The following DLL3 variants were observed in gnomAD, a reference collection of about 807,000 sequenced individuals.
DLL3 encodes the protein delta-like protein 3.
Under a neutral mutation model 55.0 loss-of-function variants are expected in DLL3, and 49 were observed. The observed-to-expected ratio is 0.89, with a 90% CI of 0.71 to 1.13. DLL3 has a LOEUF of 1.13. DLL3 is among the 50% of genes most tolerant of loss of function. The pLI is 0.00. For synonymous variants in DLL3, 421 were observed against 385.2 expected (o/e 1.09, Z -1.09); for missense variants, 962 against 875.5 (o/e 1.10, Z -1.25).
chr19:39,508,352 C>T lies in DLL3; in HGVS notation c.*95C>T. On this transcript the variant is annotated 3_prime_UTR_variant, in exon 9 of 9. Transcript: ENST00000356433. Reference sequence around the variant, plus strand: ...TGCCCCAGAGGCTTTGGAGTTCAATCTTGAAGGGGTGTCTGGGGGAACTTT... The same window carrying T: ...TGCCCCAGAGGCTTTGGAGTTCAATTTTGAAGGGGTGTCTGGGGGAACTTT... 7.1e-7 allele frequency: 1 copy of T among 1,415,336 alleles called. No individual in the cohort carries two copies. The highest frequency in any genetic ancestry group is 2.3e-5 in the East Asian group (1 of 43,938). 87.7% of individuals were successfully genotyped at this position (1,415,336 alleles called of 1,614,324 possible).
At chr19:39,499,854 CT>C (rs1323996801) in intron 2 of DLL3, among the ~76,000 whole-genome samples, 8,179 of 82,416 alleles carry the variant, frequency 0.099, 669 homozygotes, top group African/African-American at 0.23. Context: ...TCTTCTCTCT[CT>C]TTTTTTTTTT....
chr19:39,502,781 C>T (rs758654270), intron 3 of DLL3, 34 bp from the exon 4 acceptor site: 7 of 1,355,948 alleles, frequency 5.2e-6, no homozygotes, highest in Non-Finnish European at 4.7e-6. Flanking sequence ...CGGCCGGGCC[C>T]ACCCCAGCAC....
chr19:39,505,180 AT>A (rs577477375), intron 5 of DLL3, 48 bp from the exon 6 acceptor site: 14 of 1,595,794 alleles, frequency 8.8e-6, no homozygotes, highest in Non-Finnish European at 1.2e-5. Flanking sequence ...GGGGGATGGG[AT>A]TTTTCTCCAA....
chr19:39,506,207 G>T (rs2079639712), intron 6 of DLL3, among the ~76,000 whole-genome samples: 1 of 73,482 alleles, frequency 1.4e-5, no homozygotes, highest in Non-Finnish European at 2.3e-5. Flanking sequence ...GTGACACTCT[G>T]TCTCAAAAAA....
Position 39,508,298 on chromosome 19 carries a change from T to C in DLL3, c.*41T>C. On this transcript the variant is annotated 3_prime_UTR_variant, in exon 9 of 9. Coordinates refer to ENST00000356433, the MANE Select transcript of DLL3 (RefSeq NM_203486.3). ...CGCACCTGGAGTCAGAGCGTGGATT[T>C]TTGTATTTGCTCGGTGGTGCCCAGT... The C allele has an allele frequency of 6.2e-7, 1 of 1,612,650 alleles. No homozygotes were observed. The highest frequency in any genetic ancestry group is 8.5e-7 in the Non-Finnish European group (1 of 1,178,858).
Position 39,504,265 on chromosome 19 carries a change from T to C in DLL3, c.847T>C (p.Cys283Arg). The change falls in exon 5 of 9, where the codon TGT becomes CGT. Residue 283 changes from cysteine (C) to arginine (R), a missense_variant. Cys to Arg is a radical substitution (Grantham distance 180, BLOSUM62 -3). Transcript: ENST00000356433. ...GCCTGGGCCCTGTGACGGGAACCCG[T>C]GTGCCAATGGAGGCAGCTGTAGTGT... ...PGPGPCDGNP[C>R]ANGGSCSETP... is the part of the protein sequence containing the mutation. The C allele has an allele frequency of 6.2e-7, 1 of 1,612,958 alleles. No homozygotes were observed. The highest frequency in any genetic ancestry group is 1.1e-5 in the South Asian group (1 of 91,090).
chr19:39,501,478 A>ATT (rs36120417), intron 3 of DLL3, among the ~76,000 whole-genome samples: 1 of 150,522 alleles, frequency 6.6e-6, no homozygotes, highest in African/African-American at 2.4e-5. Context: ...TTTTGTCACC[A>ATT]TTTTTTTTCT....
At chr19:39,500,701 G>C (rs1256812972) in intron 3 of DLL3, 29 bp downstream of exon 3, 1 of 1,603,874 alleles carries the variant, frequency 6.2e-7, no homozygotes, top group Non-Finnish European at 8.5e-7. Context: ...GGGACTGGTG[G>C]GGAGCTGGGG....
In DLL3 at chr19:39,507,342, T is replaced by A. The variant is rs1334230240; in HGVS notation, c.1397T>A (p.Phe466Tyr). Residue 466 changes from phenylalanine (F) to tyrosine (Y), a missense_variant, in exon 7 of 9, where the codon TTC (phenylalanine) becomes TAC (tyrosine). Transcript: ENST00000356433. ...GGCTACATGGGAGCGCGGTGTGAGT[T>A]CCCAGTGCACCCCGACGGCGCAAGC... ...APGYMGARCE[F>Y]PVHPDGASAL... 1 of 1,571,612 alleles carries A rather than the reference T, an allele frequency of 6.4e-7. No individual in the cohort carries two copies. Among genetic ancestry groups the A allele is most frequent in the East Asian group, 2.3e-5 (1 of 43,172 alleles).
rs373673891 is a variant in DLL3, at chr19:39,505,460, T to C, written c.1093+9T>C. On this transcript the variant is annotated intron_variant, in intron 6 of 8. Transcript: ENST00000356433. ...GCAGCCATGCCGCAATGGTGAGGCC[T>C]GGAGGCCTGAACGGCGAGGGATGGG... is the stretch of plus-strand genomic sequence containing the variant. 45 of 1,613,540 alleles carry C rather than the reference T, an allele frequency of 2.8e-5. No homozygotes were observed. The highest frequency in any genetic ancestry group is 3.5e-5 in the Non-Finnish European group (41 of 1,179,754).
intron 5 of DLL3, among the ~76,000 whole-genome samples, chr19:39,504,978 G>A (rs2079631528): frequency 6.6e-6 from 1 of 152,084 alleles, no homozygotes. Flanking sequence ...GGCAGCATTT[G>A]GTAGGCAAAG....
rs1366072739 is a variant in DLL3, at chr19:39,499,263, G to A, written c.141G>A (p.Arg47=). The stretch of plus-strand genomic sequence containing the variant: ...CGGGTCCAGGCCCTGGGGCCCCGCG[G>A]TCCCCCTGCAGCGCCCGGCTCCCCT... The part of the protein sequence containing the change: ...FGPGPGPGAP[R]SPCSARLPCR... Residue 47 remains arginine (R), a synonymous_variant, in exon 2 of 9, where the codon CGG becomes CGA. Coordinates refer to ENST00000356433, the MANE Select transcript of DLL3 (RefSeq NM_203486.3). The A allele has an allele frequency of 2.6e-6, 4 of 1,543,186 alleles. No homozygotes were observed. The Admixed American group carries it at 7.8e-5, about 30-fold the overall frequency.
intron 3 of DLL3, among the ~76,000 whole-genome samples, chr19:39,502,240 G>A (rs1286260171): frequency 6.6e-6 from 1 of 150,956 alleles, no homozygotes; most frequent in African/African-American, 2.4e-5. Flanking sequence ...GGAGTATTAC[G>A]GTTTCTATGA....
chr19:39,507,216 G>C lies in DLL3; in HGVS notation c.1271G>C (p.Arg424Pro). The change falls in exon 7 of 9, where the codon CGC (arginine) becomes CCC (proline). Residue 424 changes from arginine (R) to proline (P), a missense_variant. Coordinates refer to ENST00000356433, the MANE Select transcript of DLL3 (RefSeq NM_203486.3). ...RCSCALGFGG[R>P]DCRERADPCA... ...TCCTGCGCGCTGGGCTTCGGCGGCC[G>C]CGACTGCCGCGAGCGCGCGGACCCG... 1 of 1,330,128 alleles carries C rather than the reference G, an allele frequency of 7.5e-7. No homozygotes were observed. The highest frequency in any genetic ancestry group is 2.1e-5 in the South Asian group (1 of 46,722). 82.4% of individuals were successfully genotyped at this position (1,330,128 alleles called of 1,614,324 possible). A position where few individuals can be genotyped will look rare whatever the true frequency, so the allele number is the denominator to read the frequency against.
chr19:39,507,335 T>G lies in DLL3; in HGVS notation c.1390T>G (p.Cys464Gly). The part of the protein sequence containing the change: ...ACAPGYMGAR[C>G]EFPVHPDGAS... Reference sequence around the variant, plus strand: ...CGCTCCCGGCTACATGGGAGCGCGGTGTGAGTTCCCAGTGCACCCCGACGG... The same window carrying G: ...CGCTCCCGGCTACATGGGAGCGCGGGGTGAGTTCCCAGTGCACCCCGACGG... Residue 464 changes from cysteine to glycine, a missense_variant, in exon 7 of 9, where the codon TGT becomes GGT. Cys to Gly is a radical substitution (Grantham distance 159, BLOSUM62 -3). Transcript: ENST00000356433. 6.4e-7 allele frequency: 1 copy of G among 1,569,782 alleles called. No homozygotes were observed. Among genetic ancestry groups the G allele is most frequent in the South Asian group, 1.1e-5 (1 of 87,218 alleles).
In DLL3 at chr19:39,502,876, G is replaced by T. The variant is rs935221144; in HGVS notation, c.471G>T (p.Pro157=). ...AGRRRLAAGG[P]WARDIQRAGA... ...GGCGGCGCTTGGCAGCCGGAGGCCC[G>T]TGGGCCCGGGACATTCAGCGCGCAG... Residue 157 remains proline, a synonymous_variant, in exon 4 of 9, where the codon CCG becomes CCT. Coordinates refer to ENST00000356433, the MANE Select transcript of DLL3 (RefSeq NM_203486.3). 5 of 1,421,336 alleles carry T rather than the reference G, an allele frequency of 3.5e-6. No individual in the cohort carries two copies. The highest frequency in any genetic ancestry group is 3.0e-5 in the African/African-American group (2 of 66,800). The allele number at this position is 1,421,336 out of a possible 1,614,324, so 88.0% of individuals were successfully genotyped here.
chr19:39,505,397 G>C lies in DLL3; in HGVS notation c.1039G>C (p.Gly347Arg). Residue 347 changes from glycine (G) to arginine (R), a missense_variant, in exon 6 of 9, where the codon GGC becomes CGC. By Grantham distance (125) the Gly-to-Arg change is moderately radical (BLOSUM62 -2). Transcript: ENST00000356433. ...CTGCCACTGCCCACCCGGTTTCCAAGGCTCCAACTGTGAGAAGAGGGTGGA... is the reference window on the plus strand; with the variant it reads ...CTGCCACTGCCCACCCGGTTTCCAACGCTCCAACTGTGAGAAGAGGGTGGA... ...YICHCPPGFQ[G>R]SNCEKRVDRC... 6.2e-7 allele frequency: 1 copy of C among 1,614,150 alleles called. No homozygotes were observed. Among genetic ancestry groups the C allele is most frequent in the Non-Finnish European group, 8.5e-7 (1 of 1,180,020 alleles).
In DLL3 at chr19:39,499,231, T is replaced by A; in HGVS notation, c.109T>A (p.Phe37Ile). Reference protein sequence around the residue: ...AGVFELQIHSFGPGPGPGAPR... With the variant: ...AGVFELQIHSIGPGPGPGAPR... ...CGTCTTCGAGCTGCAGATCCACTCT[T>A]TCGGGCCGGGTCCAGGCCCTGGGGC... Residue 37 changes from phenylalanine to isoleucine, a missense_variant, in exon 2 of 9, where the codon TTC (phenylalanine) becomes ATC (isoleucine). Coordinates refer to ENST00000356433, the MANE Select transcript of DLL3 (RefSeq NM_203486.3). 6.4e-7 allele frequency: 1 copy of A among 1,553,340 alleles called. No homozygotes were observed. The highest frequency in any genetic ancestry group is 2.4e-5 in the East Asian group (1 of 41,552).
rs765517369 is a variant in DLL3 at position 39,507,083 on chromosome 19, C to T, written c.1138C>T (p.Arg380Cys). 1.2e-5 allele frequency: 18 copies of T among 1,543,262 alleles called. No homozygotes were observed. Among genetic ancestry groups the T allele is most frequent in the Non-Finnish European group, 1.6e-5 (18 of 1,151,668 alleles). The change falls in exon 7 of 9, where the codon CGC becomes TGC. Residue 380 changes from arginine (R) to cysteine (C), a missense_variant. Coordinates refer to ENST00000356433, the MANE Select transcript of DLL3 (RefSeq NM_203486.3). ...DLGHALRCRC[R>C]AGFAGPRCEH... is the part of the protein sequence containing the mutation. ...GGGCCACGCCCTGCGCTGCCGCTGC[C>T]GCGCCGGCTTCGCGGGTCCTCGCTG...
Sources: allele counts gnomAD v4.1 joint callset (sites outside exome capture counted in the v4.1 genomes callset), GRCh38; gene constraint gnomAD v4.1.1; transcripts MANE v1.5; gene names NCBI Gene and HGNC (gene_info 2026-07-23, HGNC 2026-07-21).